Variants in SCN2A observed in about 807,000 individuals in gnomAD.
SCN2A encodes sodium voltage-gated channel alpha subunit 2, also known as sodium channel protein type 2 subunit alpha.
In SCN2A, 20 loss-of-function variants were observed where a neutral mutation model predicts 188.7. The observed-to-expected ratio is 0.11, with a 90% CI of 0.07 to 0.15. The LOEUF (loss-of-function observed/expected upper bound fraction) is 0.15. SCN2A is among the 10% of genes least tolerant of loss of function. The pLI, the probability that SCN2A is intolerant of heterozygous loss-of-function variation, is 1.00. For missense variants in SCN2A, 1,278 were observed against 2,445.0 expected, an observed-to-expected ratio of 0.52 and a Z score of 10.07; for synonymous variants, 804 against 833.1, an observed-to-expected ratio of 0.97 and a Z score of 0.60.
At chr2:165,320,473 G>T (rs1480022616) in intron 11 of SCN2A, 2 of 152,260 alleles carry the variant, frequency 1.3e-5, no homozygotes, top group East Asian at 1.9e-4. Context: ...CTGTGTTGGG[G>T]CTCTGACCCC....
At chr2:165,253,718 A>G (rs182286453) in intron 1 of SCN2A, among the ~76,000 whole-genome samples, 147 of 152,214 alleles carry the variant, frequency 9.7e-4, no homozygotes, top group Non-Finnish European at 1.7e-3. Context: ...ACAATGATCA[A>G]GTATAGATGT....
intron 1 of SCN2A, among the ~76,000 whole-genome samples, chr2:165,291,426 GTCTTTCTTTCTCTTTCTTTCTT>G (rs1412182415): frequency 1.1e-5 from 1 of 87,044 alleles, no homozygotes; most frequent in Non-Finnish European, 2.3e-5. Context: ...CTCCCTGTCT[GTCTTTCTTTCTCTTTCTTTCTT>G]TCTTTCTTTC....
intron 17 of SCN2A, 46 bp downstream of exon 17, chr2:165,354,717 G>A: frequency 6.3e-7 from 1 of 1,590,682 alleles, no homozygotes; most frequent in Non-Finnish European, 8.6e-7. Flanking sequence ...ATATAATTCT[G>A]TTGTTTAAAA....
intron 16 of SCN2A, among the ~76,000 whole-genome samples, chr2:165,350,247 G>T (rs924107344): frequency 5.3e-5 from 8 of 152,090 alleles, no homozygotes; most frequent in Admixed American, 1.3e-4. Flanking sequence ...GAAGGTTTTG[G>T]CTTCCTCTCA....
At chr2:165,307,959 T>C (rs1697227226) in intron 4 of SCN2A, 22 bp downstream of exon 4, 2 of 1,461,708 alleles carry the variant, frequency 1.4e-6, no homozygotes, top group South Asian at 2.3e-5. Flanking sequence ...TATTTTTCAA[T>C]ATTGACCTCC....
At chr2:165,311,909 T>C (rs1697452145) in intron 7 of SCN2A, 116 bp from the exon 8 acceptor site, 2 of 697,858 alleles carry the variant, frequency 2.9e-6, no homozygotes, top group Non-Finnish European at 5.2e-6. Flanking sequence ...ATATATTTAT[T>C]AGTTTATCCA....
chr2:165,321,622 T>G (rs12692765), intron 11 of SCN2A, among the ~76,000 whole-genome samples: 124,036 of 150,104 alleles, frequency 0.83, 50,730 homozygotes, highest in Non-Finnish European at 0.85. Context: ...ATGGATGGTG[T>G]CAGGCAAAGA....
intron 16 of SCN2A, among the ~76,000 whole-genome samples, chr2:165,350,464 C>CTTTCTTTTTTTTTTTTTT (rs1699830486): frequency 1.4e-5 from 1 of 73,848 alleles, no homozygotes; most frequent in Non-Finnish European, 2.5e-5. Context: ...TGTTTTCTTT[C>CTTTCTTTTTTTTTTTTTT]TTTTTTTTTT....
At chr2:165,347,284 C>T (rs547042010) in intron 16 of SCN2A, among the ~76,000 whole-genome samples, 114 of 152,234 alleles carry the variant, frequency 7.5e-4, no homozygotes, top group African/African-American at 2.6e-3. Context: ...GAGTTCATGT[C>T]CTTTGCAGGG....
At chr2:165,246,873 G>T (rs1693870219) in intron 1 of SCN2A, among the ~76,000 whole-genome samples, 1 of 152,014 alleles carries the variant, frequency 6.6e-6, no homozygotes, top group African/African-American at 2.4e-5. Context: ...CCAGGTTCTT[G>T]TACTTAGATT....
At chr2:165,275,949 G>T (rs905566551) in intron 1 of SCN2A, among the ~76,000 whole-genome samples, 2 of 152,104 alleles carry the variant, frequency 1.3e-5, no homozygotes, top group African/African-American at 4.8e-5. Context: ...TGGCCAGGCT[G>T]GTCTTGAACT....
chr2:165,331,513 T>C lies in SCN2A; in HGVS notation c.2333T>C (p.Met778Thr). ...CIVLNTLFMAMEHYPMTEQFS... is the reference protein window; with the variant it reads ...CIVLNTLFMATEHYPMTEQFS... ...GTCTTAAATACACTCTTCATGGCTA[T>C]GGAGCACTATCCCATGACGGAGCAG... The change falls in exon 14 of 27, where the codon ATG (methionine) becomes ACG (threonine). Residue 778 changes from methionine (M) to threonine (T), a missense_variant. By Grantham distance (81) the Met-to-Thr change is moderately conservative. This residue lies in a region of SCN2A where 83 missense variants were observed against 256.8 expected (regional missense o/e 0.32). Transcript: ENST00000375437. 6.2e-7 allele frequency: 1 copy of C among 1,613,808 alleles called. No individual in the cohort carries two copies. Among genetic ancestry groups the C allele is most frequent in the Non-Finnish European group, 8.5e-7 (1 of 1,179,758 alleles).
chr2:165,306,646 C>A (rs1044599424), intron 3 of SCN2A, among the ~76,000 whole-genome samples: 1 of 151,240 alleles, frequency 6.6e-6, no homozygotes, highest in Non-Finnish European at 1.5e-5. Flanking sequence ...TAAGCATGGG[C>A]CTTACAGCAC....
chr2:165,376,802 C>G (rs936712976), intron 22 of SCN2A, among the ~76,000 whole-genome samples: 3 of 151,826 alleles, frequency 2.0e-5, no homozygotes, highest in African/African-American at 7.3e-5. Context: ...TGAAAACTTT[C>G]CAATTAAGAC....
chr2:165,308,093 A>G (rs1398416559), intron 4 of SCN2A, among the ~76,000 whole-genome samples, 156 bp downstream of exon 4: 1 of 152,134 alleles, frequency 6.6e-6, no homozygotes. Flanking sequence ...GTCTTCTAGG[A>G]CAAAGCTTGT....
intron 12 of SCN2A, among the ~76,000 whole-genome samples, chr2:165,325,269 G>A (rs1490265427): frequency 6.6e-6 from 1 of 152,078 alleles, no homozygotes; most frequent in African/African-American, 2.4e-5. Context: ...GCAAAGTTGG[G>A]GCCAGCTTGA....
intron 1 of SCN2A, among the ~76,000 whole-genome samples, chr2:165,254,367 T>C (rs1416356008): frequency 1.3e-5 from 2 of 151,812 alleles, no homozygotes. Flanking sequence ...ACTGTATTCA[T>C]TAATGATATT....
At chr2:165,271,396 T>C (rs1000956898) in intron 1 of SCN2A, 3 of 152,068 alleles carry the variant, frequency 2.0e-5, no homozygotes, top group African/African-American at 7.2e-5. Context: ...CACATGGAGA[T>C]AGTACATAGG....
In SCN2A at chr2:165,256,000, C is replaced by CTTTTTTTT. The variant is rs765804959; in HGVS notation, c.-52+16373_-52+16380dup. Among the ~76,000 whole-genome samples the CTTTTTTTT allele has an allele frequency of 1.9e-3, 165 of 88,468 alleles. 9 individuals carry two copies. Among genetic ancestry groups the CTTTTTTTT allele is most frequent in the African/African-American group, 5.3e-3 (110 of 20,566 alleles). 58.0% of individuals were successfully genotyped at this position (88,468 alleles called of 152,430 possible). On this transcript the variant is annotated intron_variant, in intron 1 of 26. Transcript: ENST00000375437. ...AAATGTTTTCATTTGGGGCTCTTTTCTTTTTTTTTTTTTTTTTTTTGGTGA... is the reference window on the plus strand; with the variant it reads ...AAATGTTTTCATTTGGGGCTCTTTTCTTTTTTTTTTTTTTTTTTTTTTTTTTTTGGTGA...
Sources: gnomAD v4.1 joint callset for allele counts (sites outside exome capture counted in the v4.1 genomes callset) on GRCh38, gnomAD v4.1.1 for gene constraint, gnomAD v4.1.1 regional missense constraint, MANE v1.5 for transcripts, NCBI Gene and HGNC (gene_info 2026-07-23, HGNC 2026-07-21) for gene names.